The following RNF13 variants were observed in gnomAD, a reference collection of about 807,000 sequenced individuals.
RNF13 encodes the protein E3 ubiquitin-protein ligase RNF13.
RNF13 carries 19 observed loss-of-function variants against 37.7 expected under a neutral mutation model. The ratio of observed to expected loss-of-function variants is 0.50; its 90% confidence interval spans 0.35 to 0.74. RNF13 has a LOEUF of 0.74. RNF13 is among the 30% of genes least tolerant of loss of function. RNF13 has a pLI of 0.01. For missense variants in RNF13, 375 were observed against 453.0 expected (o/e 0.83, Z 1.56); for synonymous variants, 144 against 157.8 (o/e 0.91, Z 0.65).
chr3:149,840,838 C>G (rs1722110081), intron 1 of RNF13, among the ~76,000 whole-genome samples: 1 of 152,196 alleles, frequency 6.6e-6, no homozygotes. Flanking sequence ...AATGCATCTT[C>G]ACTGAGAAGC....
chr3:149,956,918 C>T (rs185189563), intron 8 of RNF13, among the ~76,000 whole-genome samples: 2 of 152,190 alleles, frequency 1.3e-5, no homozygotes, highest in East Asian at 3.9e-4. Flanking sequence ...AGATGCCAGC[C>T]GCAACTCTCA....
intron 8 of RNF13, among the ~76,000 whole-genome samples, chr3:149,926,192 T>G (rs934530214): frequency 6.6e-6 from 1 of 152,152 alleles, no homozygotes; most frequent in African/African-American, 2.4e-5. Context: ...GGTAGTATTC[T>G]TCTATTTTTG....
At chr3:149,855,519 TA>T (rs568830253) in intron 3 of RNF13, among the ~76,000 whole-genome samples, 123 of 150,698 alleles carry the variant, frequency 8.2e-4, no homozygotes, top group African/African-American at 2.2e-3. Context: ...ATTTATGCAT[TA>T]AAAAATATAT....
intron 7 of RNF13, among the ~76,000 whole-genome samples, chr3:149,920,458 C>G (rs777876596): frequency 1.3e-5 from 2 of 152,034 alleles, no homozygotes; most frequent in Non-Finnish European, 2.9e-5. Flanking sequence ...GTCTTGATTT[C>G]CTGGCCTCAA....
chr3:149,914,514 CA>C (rs140200425), intron 7 of RNF13, among the ~76,000 whole-genome samples: 2,647 of 152,016 alleles, frequency 0.017, 36 homozygotes, highest in Non-Finnish European at 0.028. Flanking sequence ...AAAAAACAAA[CA>C]AACAAAAATA....
chr3:149,958,717 T>TA (rs2108617637), intron 8 of RNF13, among the ~76,000 whole-genome samples: 1 of 152,346 alleles, frequency 6.6e-6, no homozygotes, highest in African/African-American at 2.4e-5. Context: ...TCTATGTAAT[T>TA]ATAATTAAAA....
At chr3:149,922,715 A>T (rs1718269957) in intron 8 of RNF13, among the ~76,000 whole-genome samples, 1 of 152,162 alleles carries the variant, frequency 6.6e-6, no homozygotes, top group Non-Finnish European at 1.5e-5. Flanking sequence ...GTATACTCTT[A>T]TTATTTTCCC....
At chr3:149,815,969 T>G (rs1208372240) in intron 1 of RNF13, among the ~76,000 whole-genome samples, 1 of 152,104 alleles carries the variant, frequency 6.6e-6, no homozygotes, top group Admixed American at 6.5e-5. Context: ...TATGGCTCAC[T>G]GCACCCTCGA....
intron 2 of RNF13, 98 bp from the exon 3 acceptor site, chr3:149,852,418 A>G (rs1723198366): frequency 2.0e-6 from 1 of 501,190 alleles, no homozygotes; most frequent in East Asian, 3.4e-5. Flanking sequence ...AGTAATCAGA[A>G]TTGTCAAAAT....
chr3:149,922,823 A>G (rs1718283053), intron 8 of RNF13, among the ~76,000 whole-genome samples: 1 of 152,206 alleles, frequency 6.6e-6, no homozygotes, highest in African/African-American at 2.4e-5. Flanking sequence ...CTATAATACC[A>G]TAGCCAATGT....
At chr3:149,869,668 G>T (rs868520298) in intron 3 of RNF13, among the ~76,000 whole-genome samples, 1 of 151,572 alleles carries the variant, frequency 6.6e-6, no homozygotes, top group Non-Finnish European at 1.5e-5. Context: ...TTCTTGCTTC[G>T]TCCATTTGGG....
At chr3:149,879,841 C>A (rs1713176190) in intron 4 of RNF13, among the ~76,000 whole-genome samples, 1 of 152,186 alleles carries the variant, frequency 6.6e-6, no homozygotes, top group African/African-American at 2.4e-5. Flanking sequence ...AGAACAAATT[C>A]TAGCAATACT....
At chr3:149,950,643 T>G (rs896659293) in intron 8 of RNF13, among the ~76,000 whole-genome samples, 17 of 143,110 alleles carry the variant, frequency 1.2e-4, no homozygotes, top group African/African-American at 4.4e-4. Flanking sequence ...CCCAGCTAAT[T>G]TTTTTTTTTT....
Position 149,854,350 on chromosome 3 carries a change from C to A in RNF13, c.195+1754C>A, listed in dbSNP as rs956850341. ...TACCTATATGTAGCAGTCACACTTC[C>A]CTCTTCAGAGTTAAATATTATCAGT... On this transcript the variant is annotated intron_variant, in intron 3 of 9. Coordinates refer to ENST00000392894, the MANE Select transcript of RNF13 (RefSeq NM_183381.3). 3.3e-5 allele frequency among the ~76,000 whole-genome samples: 5 copies of A among 152,054 alleles called. No individual in the cohort carries two copies. The East Asian group carries it at 9.6e-4, about 29-fold the overall frequency.
At chr3:149,870,690 C>T (rs6810289) in intron 3 of RNF13, among the ~76,000 whole-genome samples, 4,379 of 151,932 alleles carry the variant, frequency 0.029, 209 homozygotes, top group African/African-American at 0.097. Flanking sequence ...AGTTGTACTT[C>T]GTTGCAAAAC....
At chr3:149,939,270 TC>T (rs1720012174) in intron 8 of RNF13, 1 of 477,052 alleles carries the variant, frequency 2.1e-6, no homozygotes, top group Non-Finnish European at 4.0e-6. Flanking sequence ...TTATCCAGTT[TC>T]CTCATCATCA....
Position 149,939,090 on chromosome 3 carries a change from T to A in RNF13, c.700+17863T>A, listed in dbSNP as rs186509954. 7.1e-4 allele frequency: 363 copies of A among 509,166 alleles called. 1 individual carries two copies. The highest frequency in any genetic ancestry group is 4.7e-3 in the Middle Eastern group (7 of 1,484). 31.5% of individuals were successfully genotyped at this position (509,166 alleles called of 1,614,324 possible). ...TTGATGAACTGCTTGCATTTTAATG[T>A]CTTCTACAGAACTAGGTCCTTTTCG... On this transcript the variant is annotated intron_variant, in intron 8 of 9. Transcript: ENST00000392894.
At chr3:149,911,260 T>C (rs1428558251) in intron 6 of RNF13, among the ~76,000 whole-genome samples, 3 of 152,232 alleles carry the variant, frequency 2.0e-5, no homozygotes, top group Non-Finnish European at 1.5e-5. Flanking sequence ...GAAGAACTTA[T>C]GAACAGTAAT....
At chr3:149,958,992 CTTTT>C (rs1214600972) in intron 8 of RNF13, among the ~76,000 whole-genome samples, 2 of 152,124 alleles carry the variant, frequency 1.3e-5, no homozygotes, top group African/African-American at 4.8e-5. Flanking sequence ...CTATCAGCAC[CTTTT>C]TTATGTGTCA....
Sources: allele counts gnomAD v4.1 joint callset (sites outside exome capture counted in the v4.1 genomes callset), GRCh38; gene constraint gnomAD v4.1.1; transcripts MANE v1.5; gene names NCBI Gene and HGNC (gene_info 2026-07-23, HGNC 2026-07-21).